Variants in USP10 observed in about 807,000 individuals in gnomAD.
USP10 encodes ubiquitin specific peptidase 10.
A neutral mutation model predicts 84.5 loss-of-function variants in USP10; 22 were observed. The observed-to-expected ratio is 0.26, with a 90% CI of 0.19 to 0.37. The LOEUF (loss-of-function observed/expected upper bound fraction) is 0.37. USP10 is among the 10% of genes least tolerant of loss of function. The probability of loss-of-function intolerance (pLI) is 1.00; values close to 1 mark genes in which losing one functional copy is unlikely to be tolerated. For synonymous variants in USP10, 454 were observed against 387.6 expected (o/e 1.17, Z -2.01); for missense variants, 1,019 against 998.9 (o/e 1.02, Z -0.27).
At chr16:84,774,724 C>G (rs895599011) in intron 12 of USP10, among the ~76,000 whole-genome samples, 1 of 152,214 alleles carries the variant, frequency 6.6e-6, no homozygotes, top group East Asian at 1.9e-4. Context: ...CCGTCTCAGC[C>G]TCCCAAAGTG....
intron 4 of USP10, among the ~76,000 whole-genome samples, chr16:84,754,672 G>T (rs1180438131): frequency 6.6e-6 from 1 of 152,222 alleles, no homozygotes; most frequent in Non-Finnish European, 1.5e-5. Flanking sequence ...CGATTTAAGG[G>T]AATGGCTGAT....
intron 1 of USP10, among the ~76,000 whole-genome samples, chr16:84,726,529 GC>G (rs1908501277): frequency 6.6e-6 from 1 of 152,246 alleles, no homozygotes; most frequent in Non-Finnish European, 1.5e-5. Flanking sequence ...AGCCAGCTTA[GC>G]CAACAGGCTA....
intron 2 of USP10, among the ~76,000 whole-genome samples, chr16:84,739,157 C>G (rs1403487403): frequency 6.6e-6 from 1 of 151,346 alleles, no homozygotes; most frequent in Non-Finnish European, 1.5e-5. Context: ...CTCCCGGGTT[C>G]ACGCCATTCT....
intron 1 of USP10, among the ~76,000 whole-genome samples, chr16:84,705,906 G>A (rs1905436896): frequency 1.3e-5 from 2 of 151,670 alleles, no homozygotes; most frequent in South Asian, 4.2e-4. Flanking sequence ...ATTTTTAGTA[G>A]AAACGGGGTT....
intron 5 of USP10, 106 bp downstream of exon 5, chr16:84,758,913 G>T (rs1284492272): frequency 1.6e-5 from 13 of 798,858 alleles, no homozygotes; most frequent in Non-Finnish European, 2.6e-5. Flanking sequence ...CTCTCCATTT[G>T]AATCCCTAAG....
chr16:84,716,926 A>G (rs1466372068), intron 1 of USP10, among the ~76,000 whole-genome samples: 1 of 152,258 alleles, frequency 6.6e-6, no homozygotes, highest in Non-Finnish European at 1.5e-5. Context: ...AACTTAAAAT[A>G]GAAGTCCAGA....
chr16:84,721,960 G>A (rs1051466238), intron 1 of USP10, among the ~76,000 whole-genome samples: 1 of 152,216 alleles, frequency 6.6e-6, no homozygotes, highest in African/African-American at 2.4e-5. Context: ...CTCCCAAAGT[G>A]CTGGAATTAC....
intron 4 of USP10, among the ~76,000 whole-genome samples, chr16:84,752,240 C>T (rs1390341779): frequency 6.6e-6 from 1 of 152,150 alleles, no homozygotes; most frequent in Non-Finnish European, 1.5e-5. Context: ...CAAAGATGGA[C>T]TGGGGGAGGC....
intron 1 of USP10, chr16:84,733,139 AT>A (rs1567610636): frequency 2.0e-6 from 1 of 500,188 alleles, no homozygotes; most frequent in Non-Finnish European, 3.9e-6. Context: ...TTGTGAACCA[AT>A]AAAAATCTCC....
chr16:84,707,013 C>G (rs767570809), intron 1 of USP10, among the ~76,000 whole-genome samples: 1 of 152,136 alleles, frequency 6.6e-6, no homozygotes, highest in Non-Finnish European at 1.5e-5. Flanking sequence ...TTGTTTGAGC[C>G]TTTACAGCAA....
At chr16:84,726,332 T>C (rs1306579940) in intron 1 of USP10, among the ~76,000 whole-genome samples, 1 of 152,212 alleles carries the variant, frequency 6.6e-6, no homozygotes, top group Non-Finnish European at 1.5e-5. Flanking sequence ...TTAGACATCT[T>C]TTCTCCTTCT....
chr16:84,713,524 A>C (rs1403029128), intron 1 of USP10, among the ~76,000 whole-genome samples: 2 of 152,110 alleles, frequency 1.3e-5, no homozygotes, highest in Non-Finnish European at 2.9e-5. Flanking sequence ...AAGCTCCTTG[A>C]GGCCCCAATG....
At chr16:84,705,715 CTTTTTTT>C (rs1034372044) in intron 1 of USP10, among the ~76,000 whole-genome samples, 1 of 71,284 alleles carries the variant, frequency 1.4e-5, no homozygotes, top group Non-Finnish European at 2.4e-5. Flanking sequence ...CCCTTGCTTG[CTTTTTTT>C]TTTTTTTTTT....
intron 13 of USP10, among the ~76,000 whole-genome samples, chr16:84,778,669 A>G (rs1216718984): frequency 1.3e-5 from 2 of 152,210 alleles, no homozygotes; most frequent in Admixed American, 1.3e-4. Flanking sequence ...ACATGTACCT[A>G]TCTGACTTAC....
intron 11 of USP10, among the ~76,000 whole-genome samples, chr16:84,771,661 G>T (rs1172564851): frequency 6.6e-6 from 1 of 152,262 alleles, no homozygotes; most frequent in Non-Finnish European, 1.5e-5. Flanking sequence ...CTGAGGTCAG[G>T]AGTTCAAGAC....
At chr16:84,712,730 C>G (rs541753125) in intron 1 of USP10, among the ~76,000 whole-genome samples, 31 of 152,162 alleles carry the variant, frequency 2.0e-4, no homozygotes, top group Non-Finnish European at 3.8e-4. Context: ...TGAGTGACCC[C>G]TAAGCTGCTC....
chr16:84,739,062 CTT>C (rs35956790), intron 2 of USP10, among the ~76,000 whole-genome samples: 10 of 142,692 alleles, frequency 7.0e-5, no homozygotes, highest in East Asian at 2.1e-4. Flanking sequence ...CTTCCTAAAC[CTT>C]TTTTTTTTTT....
chr16:84,718,376 C>T (rs892954803), intron 1 of USP10, among the ~76,000 whole-genome samples: 2 of 152,188 alleles, frequency 1.3e-5, no homozygotes, highest in Non-Finnish European at 2.9e-5. Flanking sequence ...ACCTCAGCCT[C>T]CTGAGGAGCT....
chr16:84,762,517 C>T (rs532357316), intron 8 of USP10, among the ~76,000 whole-genome samples: 1 of 152,100 alleles, frequency 6.6e-6, no homozygotes, highest in East Asian at 1.9e-4. Flanking sequence ...ATGGTGAAAC[C>T]CCGTCTCTAC....
Sources: allele counts gnomAD v4.1 joint callset (sites outside exome capture counted in the v4.1 genomes callset), GRCh38; gene constraint gnomAD v4.1.1; transcripts MANE v1.5; gene names NCBI Gene and HGNC (gene_info 2026-07-23, HGNC 2026-07-21).